CDH11: variants seen among roughly 807,000 people sequenced by gnomAD.
CDH11 encodes the protein cadherin-11.
CDH11 carries 11 observed loss-of-function variants against 67.8 expected under a neutral mutation model. That is an observed-to-expected ratio of 0.16 (90% confidence interval 0.10 to 0.27). CDH11 has a LOEUF of 0.27. Ranked by LOEUF, CDH11 falls within the 10% of genes least tolerant of loss-of-function variation. CDH11 has a pLI of 1.00. For synonymous variants in CDH11, 419 were observed against 400.0 expected, an observed-to-expected ratio of 1.05 and a Z score of -0.57; for missense variants, 847 against 1,031.2, an observed-to-expected ratio of 0.82 and a Z score of 2.45.
intron 4 of CDH11, 82 bp downstream of exon 4, chr16:64,998,480 G>T: frequency 7.6e-7 from 1 of 1,314,912 alleles, no homozygotes; most frequent in Non-Finnish European, 1.1e-6. Flanking sequence ...TCTACTTCCT[G>T]ATTTGGGAGA....
At chr16:65,043,523 C>T (rs1205814358) in intron 2 of CDH11, among the ~76,000 whole-genome samples, 1 of 152,120 alleles carries the variant, frequency 6.6e-6, no homozygotes, top group African/African-American at 2.4e-5. Context: ...CTGAGATGGC[C>T]AGACTTTTAC....
At chr16:65,117,670 AT>A (rs1303391936) in intron 1 of CDH11, among the ~76,000 whole-genome samples, 24 of 152,334 alleles carry the variant, frequency 1.6e-4, no homozygotes, top group African/African-American at 5.5e-4. Flanking sequence ...TCAAACTGCT[AT>A]TCCTTTTTGC....
At chr16:65,099,877 AC>A (rs1206856991) in intron 1 of CDH11, among the ~76,000 whole-genome samples, 1 of 152,052 alleles carries the variant, frequency 6.6e-6, no homozygotes, top group East Asian at 1.9e-4. Context: ...CATGCAGTTC[AC>A]AGTTGTGTGG....
intron 1 of CDH11, among the ~76,000 whole-genome samples, chr16:65,105,404 T>C (rs146851982): frequency 6.6e-6 from 1 of 152,170 alleles, no homozygotes; most frequent in East Asian, 1.9e-4. Flanking sequence ...CTGGATAACC[T>C]CCATCAACAC....
In CDH11 at chr16:65,121,097, A is replaced by AC. The variant is rs1220296955; in HGVS notation, c.-298+782dup. On this transcript the variant is annotated intron_variant, in intron 1 of 12. Transcript: ENST00000268603. This position sits in a 1 kb window ranked among gnomAD's most constrained non-coding sequence, Gnocchi z 4.1. ...CGGGAAGGTGTGGTTCTCAAAGTTA[A>AC]CGTTGACCCTGGCAGCTTTCGCCAA... Among the ~76,000 whole-genome samples, 1 of 151,868 alleles carries AC rather than the reference A, an allele frequency of 6.6e-6. No homozygotes were observed. Among genetic ancestry groups the AC allele is most frequent in the African/African-American group, 2.4e-5 (1 of 41,362 alleles).
chr16:65,014,771 T>G (rs532601683), intron 2 of CDH11, among the ~76,000 whole-genome samples: 1 of 152,144 alleles, frequency 6.6e-6, no homozygotes, highest in African/African-American at 2.4e-5. Context: ...GAAGCAGCAG[T>G]GAGGGGAGAG....
chr16:65,036,816 A>G (rs917056656), intron 2 of CDH11, among the ~76,000 whole-genome samples: 1 of 152,202 alleles, frequency 6.6e-6, no homozygotes, highest in Non-Finnish European at 1.5e-5. Context: ...GCAAGAAATC[A>G]TTTGGATACT....
intron 1 of CDH11, among the ~76,000 whole-genome samples, chr16:65,060,358 G>T (rs551536940): frequency 0.026 from 3,762 of 147,296 alleles, 59 homozygotes; most frequent in African/African-American, 0.046. Context: ...TATATATAGA[G>T]AGAGAGAGAG....
chr16:65,068,985 T>C (rs2074368073), intron 1 of CDH11, among the ~76,000 whole-genome samples: 1 of 152,210 alleles, frequency 6.6e-6, no homozygotes, highest in Non-Finnish European at 1.5e-5. Flanking sequence ...ATTAGGAAAA[T>C]AGAGCATTAG....
At chr16:65,119,415 T>C (rs1225004601) in intron 1 of CDH11, among the ~76,000 whole-genome samples, 1 of 152,144 alleles carries the variant, frequency 6.6e-6, no homozygotes, top group African/African-American at 2.4e-5. Context: ...GATTGCATCT[T>C]AATTGAAAAT....
intron 6 of CDH11, among the ~76,000 whole-genome samples, chr16:64,990,761 C>T (rs1428696969): frequency 6.6e-6 from 1 of 152,054 alleles, no homozygotes; most frequent in Non-Finnish European, 1.5e-5. Flanking sequence ...CATTTAATTC[C>T]CTCTGCAATT....
intron 2 of CDH11, among the ~76,000 whole-genome samples, chr16:65,033,245 C>CAA (rs1248706442): frequency 7.2e-6 from 1 of 138,984 alleles, no homozygotes; most frequent in African/African-American, 2.6e-5. Context: ...AAAACACACA[C>CAA]ACACACACAC....
At chr16:65,019,168 A>AT (rs1347256239) in intron 2 of CDH11, among the ~76,000 whole-genome samples, 2 of 152,208 alleles carry the variant, frequency 1.3e-5, no homozygotes, top group Non-Finnish European at 2.9e-5. Context: ...CAAATATGTC[A>AT]TTTTTGGACT....
Position 65,087,926 on chromosome 16 carries a change from G to A in CDH11, c.-298+33954C>T, listed in dbSNP as rs138511481. Among the ~76,000 whole-genome samples the A allele has an allele frequency of 9.9e-5, 15 of 152,266 alleles. No homozygotes were observed. In the East Asian group the frequency reaches 2.7e-3, roughly 27 times the overall value. ...CATGGAAGAATATCGTGGAAATGTA[G>A]AGGTGCAAAATAAATTAAATAAAGT... On this transcript the variant is annotated intron_variant, in intron 1 of 12. Coordinates refer to ENST00000268603, the MANE Select transcript of CDH11 (RefSeq NM_001797.4).
intron 1 of CDH11, among the ~76,000 whole-genome samples, chr16:65,084,890 C>T (rs536470873): frequency 3.3e-5 from 5 of 152,056 alleles, no homozygotes; most frequent in Admixed American, 6.6e-5. Flanking sequence ...CTGTCCTATC[C>T]ACAGGTGCTT....
intron 11 of CDH11, among the ~76,000 whole-genome samples, chr16:64,963,394 T>C (rs74026211): frequency 0.06 from 9,054 of 151,982 alleles, 625 homozygotes; most frequent in African/African-American, 0.17. Flanking sequence ...CAAAAACCTC[T>C]AAAACTATAA....
At chr16:65,015,106 A>C (rs2073273587) in intron 2 of CDH11, among the ~76,000 whole-genome samples, 2 of 151,022 alleles carry the variant, frequency 1.3e-5, no homozygotes, top group East Asian at 3.9e-4. Context: ...TCTTAGCCTC[A>C]GGTCATCCAC....
chr16:65,112,314 G>A (rs1247569086), intron 1 of CDH11, among the ~76,000 whole-genome samples: 2 of 152,096 alleles, frequency 1.3e-5, no homozygotes, highest in African/African-American at 4.8e-5. Flanking sequence ...TCAAGGACCT[G>A]ATGGCAGAGT....
intron 1 of CDH11, among the ~76,000 whole-genome samples, chr16:65,098,537 TGC>T (rs1263933208): frequency 4.0e-5 from 6 of 150,746 alleles, no homozygotes; most frequent in Non-Finnish European, 8.8e-5. Flanking sequence ...TGTGTGTGTG[TGC>T]GTGTGTTTTA....
Sources: allele counts gnomAD v4.1 joint callset (sites outside exome capture counted in the v4.1 genomes callset), GRCh38; gene constraint gnomAD v4.1.1; non-coding constraint Gnocchi (gnomAD v3.1); transcripts MANE v1.5; gene names NCBI Gene and HGNC (gene_info 2026-07-23, HGNC 2026-07-21).